The following GAB2 variants were observed in gnomAD, a reference collection of about 807,000 sequenced individuals.
GAB2 encodes the protein GRB2 associated binding protein 2, also known as GRB2-associated-binding protein 2.
In GAB2, 26 loss-of-function variants were observed where a neutral mutation model predicts 65.5. That is an observed-to-expected ratio of 0.40 (90% CI 0.29 to 0.55). The LOEUF (loss-of-function observed/expected upper bound fraction) is 0.55, where lower values mean the gene tolerates loss of function less well. Among genes scored for constraint, GAB2 ranks in the 20% least tolerant of loss-of-function variants. The pLI is 0.53. For missense variants in GAB2, 884 were observed against 875.8 expected (o/e 1.01, Z -0.12); for synonymous variants, 321 against 329.6 (o/e 0.97, Z 0.28).
intron 1 of GAB2, among the ~76,000 whole-genome samples, chr11:78,352,579 A>G (rs926555729): frequency 3.9e-5 from 6 of 152,214 alleles, no homozygotes; most frequent in Admixed American, 2.0e-4. Flanking sequence ...TATTTTGTTC[A>G]GAGGACTGGT....
At chr11:78,265,944 G>A (rs1030320450) in intron 2 of GAB2, among the ~76,000 whole-genome samples, 1 of 152,100 alleles carries the variant, frequency 6.6e-6, no homozygotes, top group Non-Finnish European at 1.5e-5. Flanking sequence ...GCCAGGCATG[G>A]TGGCTCATGC....
At position 78,221,698 on chromosome 11, in the gene GAB2, G is replaced by T; in HGVS notation, c.1740C>A (p.Ser580Arg). The change falls in exon 8 of 10, where the codon AGC becomes AGA. Residue 580 changes from serine (S) to arginine (R), a missense_variant. Transcript: ENST00000361507. ...QSITSTDSGD[S>R]EENYVPMQNP... ...TCACCATAGGGACATAGTTCTCTTC[G>T]CTGTCTCCTGAGTCTGTGCTGGTGA... 6.2e-7 allele frequency: 1 copy of T among 1,611,970 alleles called. No individual in the cohort carries two copies. Among genetic ancestry groups the T allele is most frequent in the Non-Finnish European group, 8.5e-7 (1 of 1,178,248 alleles).
At chr11:78,305,410 G>A (rs1361503385) in intron 1 of GAB2, among the ~76,000 whole-genome samples, 1 of 152,176 alleles carries the variant, frequency 6.6e-6, no homozygotes, top group Non-Finnish European at 1.5e-5. Flanking sequence ...GGAGATCAGG[G>A]CTTTAGACAG....
At chr11:78,376,281 A>G (rs938051767) in intron 1 of GAB2, among the ~76,000 whole-genome samples, 62 of 152,316 alleles carry the variant, frequency 4.1e-4, no homozygotes, top group African/African-American at 1.3e-3. Flanking sequence ...TTTGGCATTA[A>G]TAAGAAGAGC....
chr11:78,279,869 C>T (rs753709459), intron 2 of GAB2, among the ~76,000 whole-genome samples: 1 of 152,072 alleles, frequency 6.6e-6, no homozygotes, highest in Non-Finnish European at 1.5e-5. Context: ...CATTCTTGTA[C>T]AAGTGTTTGT....
intron 1 of GAB2, 25 bp downstream of exon 1, chr11:78,417,621 C>T: frequency 7.7e-7 from 1 of 1,303,872 alleles, no homozygotes; most frequent in South Asian, 1.5e-5. Context: ...CCCGCCCGCC[C>T]CTGGGCGGCC....
intron 1 of GAB2, among the ~76,000 whole-genome samples, chr11:78,347,607 C>T (rs969688709): frequency 6.6e-6 from 1 of 152,248 alleles, no homozygotes; most frequent in African/African-American, 2.4e-5. Context: ...CATGTTAACC[C>T]TTGCTTCACA....
chr11:78,250,954 CAG>C (rs1222812920), intron 2 of GAB2, among the ~76,000 whole-genome samples: 3 of 151,994 alleles, frequency 2.0e-5, no homozygotes, highest in Non-Finnish European at 2.9e-5. Context: ...ATTATGTTAA[CAG>C]GGAGGGAGAG....
intron 1 of GAB2, among the ~76,000 whole-genome samples, chr11:78,394,339 C>A (rs998989194): frequency 1.1e-4 from 17 of 152,008 alleles, no homozygotes; most frequent in African/African-American, 4.1e-4. Flanking sequence ...ATCTTCTACC[C>A]CAACCATGTG....
At chr11:78,352,858 TATTAGTCAG>T (rs1295707805) in intron 1 of GAB2, among the ~76,000 whole-genome samples, 1 of 152,218 alleles carries the variant, frequency 6.6e-6, no homozygotes, top group African/African-American at 2.4e-5. Context: ...TTTAAGTCAC[TATTAGTCAG>T]ATTCTCTGTT....
chr11:78,247,121 C>T (rs1865321666), intron 3 of GAB2, among the ~76,000 whole-genome samples: 1 of 152,194 alleles, frequency 6.6e-6, no homozygotes. Flanking sequence ...CACTGTGCTA[C>T]TTTGTGATGG....
At chr11:78,238,446 G>A (rs554319377) in intron 3 of GAB2, among the ~76,000 whole-genome samples, 1 of 149,590 alleles carries the variant, frequency 6.7e-6, no homozygotes, top group East Asian at 2.0e-4. Context: ...AGTGAGCTAT[G>A]TACTCCAGCC....
At chr11:78,286,530 A>G (rs1866488611) in intron 1 of GAB2, among the ~76,000 whole-genome samples, 3 of 152,180 alleles carry the variant, frequency 2.0e-5, no homozygotes, top group African/African-American at 7.2e-5. Context: ...AATGTGGCCA[A>G]AAACTACATG....
intron 2 of GAB2, among the ~76,000 whole-genome samples, chr11:78,259,200 C>T (rs1378144445): frequency 6.6e-6 from 1 of 152,160 alleles, no homozygotes; most frequent in Admixed American, 6.5e-5. Context: ...CCCACACTGT[C>T]AAATGCCAAA....
At position 78,250,362 on chromosome 11, in the gene GAB2, G is replaced by C; in HGVS notation, c.415C>G (p.Arg139Gly). The change falls in exon 3 of 10, where the codon CGC becomes GGC. Residue 139 changes from arginine (R) to glycine (G), a missense_variant. Transcript: ENST00000361507. ...CTGCTGAGCTCAGCTGGAGAAGAGCGGGGGCCATGACCGGCTGAGGAAACA... is the reference window on the plus strand; with the variant it reads ...CTGCTGAGCTCAGCTGGAGAAGAGCCGGGGCCATGACCGGCTGAGGAAACA... The part of the protein sequence containing the change: ...RNVSSAGHGP[R>G]SSPAELSSSS... 1 of 1,612,868 alleles carries C rather than the reference G, an allele frequency of 6.2e-7. No homozygotes were observed. Among genetic ancestry groups the C allele is most frequent in the South Asian group, 1.1e-5 (1 of 90,998 alleles).
At chr11:78,387,744 G>A (rs1352113514) in intron 1 of GAB2, among the ~76,000 whole-genome samples, 2 of 152,162 alleles carry the variant, frequency 1.3e-5, no homozygotes, top group East Asian at 1.9e-4. Flanking sequence ...GAGATTAGAT[G>A]ACTTATCCAA....
intron 3 of GAB2, among the ~76,000 whole-genome samples, chr11:78,238,859 A>G (rs1378945194): frequency 6.6e-6 from 1 of 152,186 alleles, no homozygotes; most frequent in Non-Finnish European, 1.5e-5. Flanking sequence ...TGGGAGAAAC[A>G]TTTGCAAGTC....
At chr11:78,316,449 C>T (rs1251665018) in intron 1 of GAB2, among the ~76,000 whole-genome samples, 1 of 151,972 alleles carries the variant, frequency 6.6e-6, no homozygotes, top group Non-Finnish European at 1.5e-5. Flanking sequence ...ACAATAACAA[C>T]AAAAACAAAC....
At chr11:78,386,270 C>T (rs1218328805) in intron 1 of GAB2, among the ~76,000 whole-genome samples, 1 of 152,192 alleles carries the variant, frequency 6.6e-6, no homozygotes, top group Non-Finnish European at 1.5e-5. Flanking sequence ...ATTCTAGTTG[C>T]TTCTTTCCTG....
Sources: allele counts gnomAD v4.1 joint callset (sites outside exome capture counted in the v4.1 genomes callset), GRCh38; gene constraint gnomAD v4.1.1; transcripts MANE v1.5; gene names NCBI Gene and HGNC (gene_info 2026-07-23, HGNC 2026-07-21).